CSMD1: variants seen among roughly 807,000 people sequenced by gnomAD.
CSMD1 encodes the protein CUB and sushi domain-containing protein 1.
Under a neutral mutation model 417.5 loss-of-function variants are expected in CSMD1, and 213 were observed. That is an observed-to-expected ratio of 0.51 (90% CI 0.46 to 0.57). The LOEUF (loss-of-function observed/expected upper bound fraction) is 0.57, where lower values mean the gene tolerates loss of function less well. CSMD1 is among the 20% of genes least tolerant of loss of function. The pLI, the probability that CSMD1 is intolerant of heterozygous loss-of-function variation, is 0.00. For synonymous variants in CSMD1, 2,862 were observed against 1,736.8 expected, an observed-to-expected ratio of 1.65 and a Z score of -16.11; for missense variants, 6,923 against 4,529.7, an observed-to-expected ratio of 1.53 and a Z score of -15.17.
chr8:3,372,733 G>C (rs759131816), intron 18 of CSMD1, among the ~76,000 whole-genome samples: 2 of 152,104 alleles, frequency 1.3e-5, no homozygotes, highest in African/African-American at 2.4e-5. Context: ...AAGTCTGCTG[G>C]GCTTGCCTGT....
chr8:3,636,296 G>A (rs1416262984), intron 7 of CSMD1, among the ~76,000 whole-genome samples: 1 of 152,164 alleles, frequency 6.6e-6, no homozygotes, highest in African/African-American at 2.4e-5. Flanking sequence ...CCTGCCTGAG[G>A]CTGTTGTACA....
intron 41 of CSMD1, among the ~76,000 whole-genome samples, chr8:3,119,967 T>C (rs912708054): frequency 1.3e-5 from 2 of 152,278 alleles, no homozygotes; most frequent in Middle Eastern, 3.4e-3. Context: ...CAGAGGGGCC[T>C]TTTCTGTGGA....
chr8:4,446,033 T>A (rs768272333), intron 2 of CSMD1, among the ~76,000 whole-genome samples: 75 of 152,098 alleles, frequency 4.9e-4, no homozygotes, highest in Admixed American at 1.3e-3. Context: ...TCTTAGGAAC[T>A]TGACACAGCC....
chr8:4,965,945 C>A (rs1203783401), intron 1 of CSMD1, among the ~76,000 whole-genome samples: 1 of 152,138 alleles, frequency 6.6e-6, no homozygotes, highest in Non-Finnish European at 1.5e-5. Flanking sequence ...GATCTCTCAA[C>A]ATGTGTGAGC....
At chr8:4,459,248 A>C (rs1421200530) in intron 2 of CSMD1, among the ~76,000 whole-genome samples, 1 of 152,204 alleles carries the variant, frequency 6.6e-6, no homozygotes. Context: ...TCAACTCCAG[A>C]ATAAAAGGTC....
chr8:3,313,458 A>T (rs1340866476), intron 23 of CSMD1, among the ~76,000 whole-genome samples: 1 of 152,244 alleles, frequency 6.6e-6, no homozygotes, highest in East Asian at 1.9e-4. Context: ...GAAGGATGTG[A>T]ACAGACACCT....
At chr8:3,737,331 C>A (rs923866293) in intron 6 of CSMD1, among the ~76,000 whole-genome samples, 17 of 152,188 alleles carry the variant, frequency 1.1e-4, no homozygotes, top group African/African-American at 4.1e-4. Context: ...TGACCACAAA[C>A]CTCACATTCC....
At chr8:3,756,127 C>T (rs369443132) in intron 5 of CSMD1, among the ~76,000 whole-genome samples, 8 of 152,116 alleles carry the variant, frequency 5.3e-5, no homozygotes, top group Middle Eastern at 3.4e-3. Context: ...GAGGCCGAGG[C>T]AGGTGGATCA....
chr8:4,330,823 C>T (rs1036427532), intron 3 of CSMD1, among the ~76,000 whole-genome samples: 10 of 152,250 alleles, frequency 6.6e-5, no homozygotes, highest in South Asian at 2.1e-4. Flanking sequence ...TTCATTCTTG[C>T]ACATGCAGCT....
chr8:4,131,248 A>G (rs139521154), intron 3 of CSMD1, among the ~76,000 whole-genome samples: 4 of 152,324 alleles, frequency 2.6e-5, no homozygotes, highest in African/African-American at 9.6e-5. Context: ...GGCTGAGTAC[A>G]GAAAGGTAGG....
intron 2 of CSMD1, among the ~76,000 whole-genome samples, chr8:4,488,775 G>C (rs747485594): frequency 3.3e-5 from 5 of 151,996 alleles, no homozygotes; most frequent in African/African-American, 1.2e-4. Flanking sequence ...CGCGTCCTGC[G>C]TATCCAAAAA....
At chr8:3,910,847 C>A (rs1225950917) in intron 5 of CSMD1, among the ~76,000 whole-genome samples, 2 of 152,178 alleles carry the variant, frequency 1.3e-5, no homozygotes, top group African/African-American at 4.8e-5. Flanking sequence ...TATCTTATTT[C>A]TGCCTTCCTT....
intron 46 of CSMD1, among the ~76,000 whole-genome samples, chr8:3,104,279 C>G (rs952663198): frequency 6.6e-6 from 1 of 152,144 alleles, no homozygotes; most frequent in African/African-American, 2.4e-5. Flanking sequence ...CATAAATAGA[C>G]CATTGTTGCT....
intron 1 of CSMD1, among the ~76,000 whole-genome samples, chr8:4,889,774 G>C (rs551420647): frequency 3.9e-5 from 6 of 152,140 alleles, no homozygotes; most frequent in Admixed American, 3.9e-4. Flanking sequence ...ATTCTTCCTA[G>C]AACACTAATA....
intron 3 of CSMD1, among the ~76,000 whole-genome samples, chr8:4,340,889 A>T (rs1800439545): frequency 6.6e-6 from 1 of 152,042 alleles, no homozygotes; most frequent in South Asian, 2.1e-4. Flanking sequence ...AATGAATATT[A>T]CCTACAATTT....
intron 10 of CSMD1, among the ~76,000 whole-genome samples, chr8:3,563,623 G>C (rs979243493): frequency 2.6e-5 from 4 of 152,090 alleles, no homozygotes; most frequent in African/African-American, 9.7e-5. Context: ...TGGCACAGTG[G>C]CTCATACTTG....
At chr8:3,879,799 T>G (rs1333222566) in intron 5 of CSMD1, among the ~76,000 whole-genome samples, 1 of 151,400 alleles carries the variant, frequency 6.6e-6, no homozygotes, top group Admixed American at 6.6e-5. Context: ...TATTTGTCAT[T>G]TATTTCGTGT....
chr8:4,349,751 C>T (rs1177365269), intron 3 of CSMD1, among the ~76,000 whole-genome samples: 2 of 151,700 alleles, frequency 1.3e-5, no homozygotes, highest in African/African-American at 4.8e-5. Flanking sequence ...TTTCAAATGC[C>T]CAAATGAATC....
At chr8:3,738,398 T>C (rs1796632099) in intron 6 of CSMD1, among the ~76,000 whole-genome samples, 1 of 152,216 alleles carries the variant, frequency 6.6e-6, no homozygotes, top group African/African-American at 2.4e-5. Context: ...TCTCATAAAA[T>C]ATGCATGGTG....
Sources: allele counts gnomAD v4.1 joint callset (sites outside exome capture counted in the v4.1 genomes callset), GRCh38; gene constraint gnomAD v4.1.1; transcripts MANE v1.5; gene names NCBI Gene and HGNC (gene_info 2026-07-23, HGNC 2026-07-21).